Variants in BNC2 observed in about 807,000 individuals in gnomAD.
BNC2 encodes the protein basonuclin zinc finger protein 2.
A neutral mutation model predicts 76.3 loss-of-function variants in BNC2; 20 were observed. The observed-to-expected ratio is 0.26, with a 90% CI of 0.18 to 0.38. The LOEUF (loss-of-function observed/expected upper bound fraction) is 0.38, where lower values mean the gene tolerates loss of function less well. Ranked by LOEUF, BNC2 falls within the 10% of genes least tolerant of loss-of-function variation. The pLI is 1.00. For missense variants in BNC2, 1,382 were observed against 1,399.8 expected (o/e 0.99, Z 0.20); for synonymous variants, 582 against 514.8 (o/e 1.13, Z -1.77).
At chr9:16,618,888 CG>C (rs1203533508) in intron 3 of BNC2, among the ~76,000 whole-genome samples, 6 of 152,068 alleles carry the variant, frequency 3.9e-5, no homozygotes, top group Non-Finnish European at 7.4e-5. Flanking sequence ...AAAACTCAAA[CG>C]ACTTTCAGGA....
intron 3 of BNC2, among the ~76,000 whole-genome samples, chr9:16,624,865 C>G (rs1284323762): frequency 6.6e-6 from 1 of 152,098 alleles, no homozygotes; most frequent in African/African-American, 2.4e-5. Context: ...GATAGTTTTT[C>G]AAGGCCAGCA....
At chr9:16,793,647 T>G (rs1817570698) in intron 1 of BNC2, among the ~76,000 whole-genome samples, 3 of 103,926 alleles carry the variant, frequency 2.9e-5, no homozygotes, top group Non-Finnish European at 3.6e-5. Flanking sequence ...GCCTTCCACA[T>G]CTTTTTTTTT....
chr9:16,765,789 T>G (rs1381324913), intron 1 of BNC2, among the ~76,000 whole-genome samples: 1 of 151,878 alleles, frequency 6.6e-6, no homozygotes. Flanking sequence ...GTAATTTTTT[T>G]TTTTTTTTTT....
intron 3 of BNC2, among the ~76,000 whole-genome samples, chr9:16,670,728 A>T (rs1822451287): frequency 6.6e-6 from 1 of 152,236 alleles, no homozygotes; most frequent in African/African-American, 2.4e-5. Context: ...AAGTGATGGT[A>T]AAGGTATACG....
intron 3 of BNC2, among the ~76,000 whole-genome samples, chr9:16,665,411 A>AGAGAG (rs1212363590): frequency 8.7e-6 from 1 of 115,376 alleles, no homozygotes; most frequent in African/African-American, 3.3e-5. Flanking sequence ...AGAAAGAGAG[A>AGAGAG]AAAGAAAGGA....
chr9:16,838,445 C>T (rs1818755293), intron 1 of BNC2, among the ~76,000 whole-genome samples: 1 of 152,074 alleles, frequency 6.6e-6, no homozygotes, highest in African/African-American at 2.4e-5. Flanking sequence ...CCTATAATTC[C>T]AGCTACTCGG....
chr9:16,454,675 T>C (rs1029159068), intron 5 of BNC2, among the ~76,000 whole-genome samples: 1 of 152,208 alleles, frequency 6.6e-6, no homozygotes, highest in South Asian at 2.1e-4. Flanking sequence ...TTCTGTAAAC[T>C]CAACTACCTT....
At chr9:16,679,326 T>A (rs908225551) in intron 3 of BNC2, among the ~76,000 whole-genome samples, 2 of 152,210 alleles carry the variant, frequency 1.3e-5, no homozygotes, top group Admixed American at 6.5e-5. Context: ...CCACTTTTGA[T>A]ACAGTGATCC....
chr9:16,534,154 A>G (rs1178176996), intron 5 of BNC2, among the ~76,000 whole-genome samples: 1 of 152,172 alleles, frequency 6.6e-6, no homozygotes, highest in Admixed American at 6.5e-5. Context: ...GTGATATTAG[A>G]AGATGCAATT....
chr9:16,602,477 T>C (rs1820269468), intron 3 of BNC2, among the ~76,000 whole-genome samples: 1 of 152,140 alleles, frequency 6.6e-6, no homozygotes, highest in Admixed American at 6.5e-5. Flanking sequence ...ATGATATAAA[T>C]TGCATGAACA....
chr9:16,496,521 G>C lies in BNC2; in HGVS notation c.669+56009C>G, dbSNP rs940429881. Among the ~76,000 whole-genome samples the C allele has an allele frequency of 4.6e-5, 7 of 152,174 alleles. No individual in the cohort carries two copies. In the South Asian group the frequency reaches 1.4e-3, roughly 31 times the overall value. On this transcript the variant is annotated intron_variant, in intron 5 of 6. Transcript: ENST00000380672. ...AGTTGATATTTTATGATACAACTGT[G>C]AGGCACTTTATTTTTAAGGCAGTTT...
intron 4 of BNC2, among the ~76,000 whole-genome samples, chr9:16,565,703 G>A (rs535400367): frequency 1.7e-4 from 26 of 151,968 alleles, no homozygotes; most frequent in African/African-American, 3.1e-4. Context: ...AGATCCTTGG[G>A]AGGCTGAGAT....
At chr9:16,441,049 C>A (rs994260260) in intron 5 of BNC2, among the ~76,000 whole-genome samples, 5 of 152,026 alleles carry the variant, frequency 3.3e-5, no homozygotes, top group Admixed American at 3.3e-4. Context: ...TCATTGGCTG[C>A]GCGTTGTGGC....
At chr9:16,757,341 G>A (rs1825414875) in intron 1 of BNC2, among the ~76,000 whole-genome samples, 2 of 152,106 alleles carry the variant, frequency 1.3e-5, no homozygotes, top group South Asian at 2.1e-4. Flanking sequence ...AATAGGAAAC[G>A]ATTATCTGAA....
intron 1 of BNC2, among the ~76,000 whole-genome samples, chr9:16,814,614 A>C (rs1818136779): frequency 6.6e-6 from 1 of 152,214 alleles, no homozygotes; most frequent in African/African-American, 2.4e-5. Context: ...ATTTCACCTT[A>C]TGGGTAAACA....
At chr9:16,570,695 A>AT in intron 4 of BNC2, among the ~76,000 whole-genome samples, 1 of 152,182 alleles carries the variant, frequency 6.6e-6, no homozygotes, top group Non-Finnish European at 1.5e-5. Flanking sequence ...TGTGATCAAC[A>AT]TATCATTGAG....
intron 1 of BNC2, among the ~76,000 whole-genome samples, chr9:16,741,051 T>C (rs2039187): frequency 0.9 from 137,755 of 152,216 alleles, 62,357 homozygotes; most frequent in Non-Finnish European, 0.92. Context: ...GCTCAATAAA[T>C]AACAGCTACA....
chr9:16,818,218 C>T (rs1818229516), intron 1 of BNC2, among the ~76,000 whole-genome samples: 1 of 152,136 alleles, frequency 6.6e-6, no homozygotes, highest in Admixed American at 6.5e-5. Flanking sequence ...TCCTGGGTAA[C>T]ACGGTGAAAC....
Position 16,651,913 on chromosome 9 carries a change from G to A in BNC2, c.331-68828C>T, listed in dbSNP as rs550437102. Among the ~76,000 whole-genome samples the A allele has an allele frequency of 3.9e-5, 6 of 152,274 alleles. No individual in the cohort carries two copies. The East Asian group carries it at 1.2e-3, about 29-fold the overall frequency. On this transcript the variant is annotated intron_variant, in intron 3 of 6. Transcript: ENST00000380672. ...TATATATTAAAATAAAAAATAGAGT[G>A]TTAAGAAATACCAATCCTGAGTGTT...
Sources: allele counts gnomAD v4.1 joint callset (sites outside exome capture counted in the v4.1 genomes callset), GRCh38; gene constraint gnomAD v4.1.1; transcripts MANE v1.5; gene names NCBI Gene and HGNC (gene_info 2026-07-23, HGNC 2026-07-21).